GPATCH8: variants seen among roughly 807,000 people sequenced by gnomAD.
The protein encoded by GPATCH8 is G patch domain-containing protein 8.
In GPATCH8, 18 loss-of-function variants were observed where a neutral mutation model predicts 118.3. The ratio of observed to expected loss-of-function variants is 0.15; its 90% confidence interval spans 0.11 to 0.23. GPATCH8 has a LOEUF of 0.23. Among genes scored for constraint, GPATCH8 ranks in the 10% least tolerant of loss-of-function variants. GPATCH8 has a pLI of 1.00. For synonymous variants in GPATCH8, 659 were observed against 684.7 expected (o/e 0.96, Z 0.59); for missense variants, 1,631 against 1,873.8 (o/e 0.87, Z 2.39).
chr17:44,406,507 G>A lies in GPATCH8; in HGVS notation c.493-456C>T, dbSNP rs1471295392. ...ATGTACAGCTTACATGGGGGGGGGGGGTTATTTAAATTAGAACAAATAGAA... is the reference window on the plus strand; with the variant it reads ...ATGTACAGCTTACATGGGGGGGGGGAGTTATTTAAATTAGAACAAATAGAA... On this transcript the variant is annotated intron_variant, in intron 6 of 7. Coordinates refer to ENST00000591680, the MANE Select transcript of GPATCH8 (RefSeq NM_001002909.4). Among the ~76,000 whole-genome samples the A allele has an allele frequency of 3.9e-5, 2 of 51,420 alleles. 1 individual carries two copies. The highest frequency in any genetic ancestry group is 1.1e-4 in the Non-Finnish European group (2 of 18,816). The allele number at this position is 51,420 out of a possible 152,430, so 33.7% of individuals were successfully genotyped here.
In GPATCH8 at chr17:44,453,530, T is replaced by TGTGTGTGTGTGC. The variant is rs1052518435; in HGVS notation, c.193+10941_193+10942insGCACACACACAC. On this transcript the variant is annotated intron_variant, in intron 3 of 7. Transcript: ENST00000591680. Reference sequence around the variant, plus strand: ...GTGTGTGTGTGTGTGTGTGTGTGTGTGCAGGCGCGCGTTTTGAGACATGCT... The same window carrying TGTGTGTGTGTGC: ...GTGTGTGTGTGTGTGTGTGTGTGTGTGTGTGTGTGTGCGCAGGCGCGCGTTTTGAGACATGCT... Among the ~76,000 whole-genome samples, 13 of 150,562 alleles carry TGTGTGTGTGTGC rather than the reference T, an allele frequency of 8.6e-5. No homozygotes were observed. The East Asian group carries it at 1.4e-3, about 16-fold the overall frequency.
At chr17:44,449,512 ACTT>A (rs2051033898) in intron 3 of GPATCH8, among the ~76,000 whole-genome samples, 1 of 134,210 alleles carries the variant, frequency 7.5e-6, no homozygotes. Context: ...CTCAGAATCT[ACTT>A]TTTTTTTTTT....
Position 44,503,197 on chromosome 17 carries a change from C to T in GPATCH8, c.45+129G>A. 4.9e-6 allele frequency: 4 copies of T among 817,342 alleles called. No homozygotes were observed. The South Asian group carries it at 5.8e-5, about 12-fold the overall frequency. The allele number at this position is 817,342 out of a possible 1,614,324, so 50.6% of individuals were successfully genotyped here. On this transcript the variant is annotated intron_variant, in intron 1 of 7. Transcript: ENST00000591680. ...GGGAGGCCTCTTGAGAAAGCAGAGA[C>T]GGGAGAAGAGCGAGCTGGTTCGCAA...
intron 6 of GPATCH8, among the ~76,000 whole-genome samples, chr17:44,421,688 T>C (rs2049908401): frequency 6.7e-6 from 1 of 148,966 alleles, no homozygotes; most frequent in African/African-American, 2.5e-5. Flanking sequence ...AACTTGACTC[T>C]GAAGTCATCG....
chr17:44,468,445 T>A (rs1966995651), intron 2 of GPATCH8, among the ~76,000 whole-genome samples: 1 of 139,932 alleles, frequency 7.1e-6, no homozygotes, highest in African/African-American at 2.8e-5. Flanking sequence ...TGGGGTGCAG[T>A]AGCACAGTCA....
In GPATCH8 at chr17:44,399,083, G is replaced by T; in HGVS notation, c.2994C>A (p.Ser998Arg). 1.2e-6 allele frequency: 2 copies of T among 1,613,998 alleles called. No homozygotes were observed. The highest frequency in any genetic ancestry group is 1.7e-6 in the Non-Finnish European group (2 of 1,179,982). Residue 998 changes from serine (S) to arginine (R), a missense_variant, in exon 8 of 8, where the codon AGC (serine) becomes AGA (arginine). Ser to Arg is a moderately radical substitution (Grantham distance 110). This residue lies in a region of GPATCH8 where 922 missense variants were observed against 879.7 expected (regional missense o/e 1.05). Transcript: ENST00000591680. ...TCCTGGAGCCTGATCTCTGGGAAGG[G>T]CTCCTGGTGCTGCGGCTGCGGTCCC... is the stretch of plus-strand genomic sequence containing the variant. ...YSRDRSRSTR[S>R]PSQRSGSRKR...
chr17:44,483,664 CAG>C (rs1968528104), intron 1 of GPATCH8, among the ~76,000 whole-genome samples: 2 of 150,322 alleles, frequency 1.3e-5, no homozygotes, highest in Admixed American at 1.3e-4. Flanking sequence ...TTTTTTGAGA[CAG>C]AGTCTTGCTG....
chr17:44,426,294 A>G (rs954361207), intron 5 of GPATCH8, among the ~76,000 whole-genome samples: 14 of 152,206 alleles, frequency 9.2e-5, no homozygotes, highest in African/African-American at 2.9e-4. Context: ...GTTCTGCCCA[A>G]TTGCGGCAGA....
At chr17:44,473,884 T>A (rs1367244498) in intron 2 of GPATCH8, 2 of 152,248 alleles carry the variant, frequency 1.3e-5, no homozygotes, top group Non-Finnish European at 2.9e-5. Context: ...CTTTACTATG[T>A]TGCAGTTTTG....
intron 3 of GPATCH8, among the ~76,000 whole-genome samples, chr17:44,453,494 GGTAGGGGTGTGTGT>G (rs948140184): frequency 1.6e-4 from 7 of 43,152 alleles, no homozygotes; most frequent in African/African-American, 4.6e-4. Flanking sequence ...TAGGTAGGTA[GGTAGGGGTGTGTGT>G]GTGTGTGTGT....
In GPATCH8 at chr17:44,399,180, C is replaced by T; in HGVS notation, c.2897G>A (p.Ser966Asn). 6.2e-7 allele frequency: 1 copy of T among 1,612,484 alleles called. No individual in the cohort carries two copies. Among genetic ancestry groups the T allele is most frequent in the Non-Finnish European group, 8.5e-7 (1 of 1,178,708 alleles). The change falls in exon 8 of 8, where the codon AGT becomes AAT. Residue 966 changes from serine (S) to asparagine (N), a missense_variant. Ser to Asn is a conservative substitution (Grantham distance 46). Coordinates refer to ENST00000591680, the MANE Select transcript of GPATCH8 (RefSeq NM_001002909.4). ...GCTTCTCCGCTTGCTTCGACTACGA[C>T]TACAACTGCTGCTGCGGCTGCGGCC... ...SRGRSRSSSC[S>N]RSRSKRRSRS...
chr17:44,398,278 A>T lies in GPATCH8; in HGVS notation c.3799T>A (p.Ser1267Thr). 3.1e-6 allele frequency: 5 copies of T among 1,613,492 alleles called. No homozygotes were observed. The highest frequency in any genetic ancestry group is 4.2e-6 in the Non-Finnish European group (5 of 1,179,704). ...TCTGGTGCTATAGGCAGCAAGCTGG[A>T]CTCCACAGGGCCTGGCTGACTGCTG... ...DSSSQPGPVE[S>T]SLLPIAPDLE... Residue 1267 changes from serine (S) to threonine (T), a missense_variant, in exon 8 of 8, where the codon TCC becomes ACC. Physicochemically the swap from Ser to Thr is moderately conservative, Grantham distance 58 (BLOSUM62 1). Around this residue, in one of 8 missense-constraint regions of GPATCH8, gnomAD observed 922 missense variants for 879.7 expected, o/e 1.05. Transcript: ENST00000591680.
intron 3 of GPATCH8, among the ~76,000 whole-genome samples, chr17:44,446,372 C>T (rs1338680378): frequency 6.6e-6 from 1 of 152,102 alleles, no homozygotes; most frequent in African/African-American, 2.4e-5. Flanking sequence ...CGAGACCATC[C>T]TGGCTAACAC....
chr17:44,433,755 A>G (rs1045645499), intron 5 of GPATCH8, among the ~76,000 whole-genome samples: 3 of 152,226 alleles, frequency 2.0e-5, no homozygotes, highest in Admixed American at 6.5e-5. Flanking sequence ...CAACAAAGGA[A>G]TCTACATAGA....
chr17:44,449,177 T>C (rs1024270409), intron 3 of GPATCH8, among the ~76,000 whole-genome samples: 15 of 152,138 alleles, frequency 9.9e-5, no homozygotes, highest in Admixed American at 8.5e-4. Flanking sequence ...CTTGGGAGGC[T>C]GAGGCAGAAG....
chr17:44,476,792 T>C (rs146106398), intron 1 of GPATCH8, among the ~76,000 whole-genome samples: 186 of 152,290 alleles, frequency 1.2e-3, no homozygotes, highest in African/African-American at 4.2e-3. Context: ...ATCAAGCAAG[T>C]TGTCACTGCA....
chr17:44,399,717 T>C lies in GPATCH8; in HGVS notation c.2360A>G (p.Lys787Arg), dbSNP rs931003968. ...SSQDHGGRKH[K>R]GELPPSSCQR... ...GCAGGATGAAGGTGGAAGTTCACCT[T>C]TGTGTTTCCTCCCACCATGGTCTTG... The change falls in exon 8 of 8, where the codon AAA (lysine) becomes AGA (arginine). Residue 787 changes from lysine to arginine, a missense_variant. By Grantham distance (26) the Lys-to-Arg change is conservative. Transcript: ENST00000591680. 6 of 1,613,826 alleles carry C rather than the reference T, an allele frequency of 3.7e-6. No individual in the cohort carries two copies. In the Admixed American group the frequency reaches 1.0e-4, roughly 27 times the overall value.
intron 1 of GPATCH8, among the ~76,000 whole-genome samples, chr17:44,488,447 C>T (rs1968965350): frequency 6.6e-6 from 1 of 151,840 alleles, no homozygotes; most frequent in East Asian, 2.0e-4. Flanking sequence ...CGGCTCACTG[C>T]AACCTTCGCC....
chr17:44,501,930 A>ATG (rs1295945617), intron 1 of GPATCH8, among the ~76,000 whole-genome samples: 4 of 150,844 alleles, frequency 2.7e-5, no homozygotes, highest in African/African-American at 4.9e-5. Flanking sequence ...ATATATATAT[A>ATG]TGTGTGTATA....
Sources: allele counts gnomAD v4.1 joint callset (sites outside exome capture counted in the v4.1 genomes callset), GRCh38; gene constraint gnomAD v4.1.1; regional missense constraint gnomAD v4.1.1; transcripts MANE v1.5; gene names NCBI Gene and HGNC (gene_info 2026-07-23, HGNC 2026-07-21).